ST3GAL3: variants seen among roughly 807,000 people sequenced by gnomAD.
ST3GAL3 encodes the protein CMP-N-acetylneuraminate-beta-1,4-galactoside alpha-2,3-sialyltransferase.
In ST3GAL3, 21 loss-of-function variants were observed where a neutral mutation model predicts 50.1. That is an observed-to-expected ratio of 0.42 (90% CI 0.30 to 0.60). ST3GAL3 has a LOEUF of 0.60. Ranked by LOEUF, ST3GAL3 falls within the 20% of genes least tolerant of loss-of-function variation. The pLI, the probability that ST3GAL3 is intolerant of heterozygous loss-of-function variation, is 0.19. For synonymous variants in ST3GAL3, 183 were observed against 190.0 expected, an observed-to-expected ratio of 0.96 and a Z score of 0.30; for missense variants, 353 against 489.4, an observed-to-expected ratio of 0.72 and a Z score of 2.63.
chr1:43,764,925 G>A (rs1032230303), intron 2 of ST3GAL3, among the ~76,000 whole-genome samples: 6 of 152,238 alleles, frequency 3.9e-5, no homozygotes, highest in African/African-American at 1.4e-4. Context: ...GGGCTCTCCT[G>A]AAAGGGCTGG....
chr1:43,801,647 T>A (rs201618301), intron 3 of ST3GAL3: 7 of 242,716 alleles, frequency 2.9e-5, no homozygotes, highest in African/African-American at 6.8e-5. Flanking sequence ...TTTTTTTTTT[T>A]AATATTACAG....
At chr1:43,853,979 T>C (rs1029514843) in intron 5 of ST3GAL3, among the ~76,000 whole-genome samples, 1 of 152,108 alleles carries the variant, frequency 6.6e-6, no homozygotes, top group African/African-American at 2.4e-5. Flanking sequence ...GTATCTGGTA[T>C]CCCCACATTA....
chr1:43,790,426 C>G (rs1397826069), intron 2 of ST3GAL3, among the ~76,000 whole-genome samples: 3 of 152,186 alleles, frequency 2.0e-5, no homozygotes, highest in Non-Finnish European at 4.4e-5. Context: ...TCTGTGGAAT[C>G]TGATCCCTTT....
chr1:43,788,940 GTT>G (rs75212053), intron 2 of ST3GAL3, among the ~76,000 whole-genome samples: 9 of 143,320 alleles, frequency 6.3e-5, no homozygotes, highest in Admixed American at 2.1e-4. Flanking sequence ...AGAGTGGGAG[GTT>G]TTTTTTTTTT....
At chr1:43,855,066 A>G (rs1177072976) in intron 5 of ST3GAL3, among the ~76,000 whole-genome samples, 1 of 152,120 alleles carries the variant, frequency 6.6e-6, no homozygotes, top group Non-Finnish European at 1.5e-5. Flanking sequence ...CTCATTCAAC[A>G]AAGTGCCAGA....
intron 5 of ST3GAL3, among the ~76,000 whole-genome samples, chr1:43,881,789 G>A (rs944082064): frequency 1.3e-5 from 2 of 152,104 alleles, no homozygotes; most frequent in African/African-American, 4.8e-5. Flanking sequence ...TTTCAGAATG[G>A]GGGGTGGGGG....
rs530260163 is a variant in ST3GAL3, at chr1:43,739,697, G to C, written c.118+3317G>C. Among the ~76,000 whole-genome samples, 9 of 152,270 alleles carry C rather than the reference G, an allele frequency of 5.9e-5. No homozygotes were observed. The South Asian group carries it at 1.9e-3, about 32-fold the overall frequency. On this transcript the variant is annotated intron_variant, in intron 2 of 11. Transcript: ENST00000347631. ...ATACTGAGTTCTAAAAGAGCAATCTGTGTGAAATGCTGTGTTGGAGCATAG... is the reference window on the plus strand; with the variant it reads ...ATACTGAGTTCTAAAAGAGCAATCTCTGTGAAATGCTGTGTTGGAGCATAG...
intron 2 of ST3GAL3, among the ~76,000 whole-genome samples, chr1:43,761,766 C>T (rs537159757): frequency 1.3e-5 from 2 of 150,960 alleles, no homozygotes; most frequent in East Asian, 3.9e-4. Flanking sequence ...CTGGCTAACA[C>T]AGTGAAACCC....
chr1:43,850,486 C>T lies in ST3GAL3; in HGVS notation c.302+12175C>T, dbSNP rs2067081500. On this transcript the variant is annotated intron_variant, in intron 5 of 11. Transcript: ENST00000347631. ...ATCCCTCTGTGGATAAAGTGGGCTA[C>T]CTTTTGGAAGCCTTTTTCCAAAAGT... The T allele has an allele frequency of 3.7e-5, 23 of 619,392 alleles. 1 individual carries two copies. Among genetic ancestry groups the T allele is most frequent in the South Asian group, 3.3e-4 (23 of 69,434 alleles). The allele number at this position is 619,392 out of a possible 1,614,324, so 38.4% of individuals were successfully genotyped here.
chr1:43,902,401 A>T (rs1001387331), intron 9 of ST3GAL3, among the ~76,000 whole-genome samples: 3 of 152,202 alleles, frequency 2.0e-5, no homozygotes, highest in African/African-American at 4.8e-5. Context: ...CTCATAGGAT[A>T]TGGGAAGGGG....
In ST3GAL3 at chr1:43,899,348, A is replaced by T. The variant is rs1052479344; in HGVS notation, c.557+85A>T. The T allele has an allele frequency of 1.9e-6, 3 of 1,610,946 alleles. No homozygotes were observed. The African/African-American group carries it at 4.0e-5, about 22-fold the overall frequency. On this transcript the variant is annotated intron_variant, in intron 8 of 11. Coordinates refer to ENST00000347631, the MANE Select transcript of ST3GAL3 (RefSeq NM_006279.5). This position sits in a 1 kb window ranked among gnomAD's most constrained non-coding sequence, Gnocchi z 5.4. Reference sequence around the variant, plus strand: ...CCCATTGAGAACTGTCTGTCTGGCTAGTTGGGCTGGAGGTCAACGGAAGCC... The same window carrying T: ...CCCATTGAGAACTGTCTGTCTGGCTTGTTGGGCTGGAGGTCAACGGAAGCC...
chr1:43,817,206 C>T (rs2061344208), intron 4 of ST3GAL3, among the ~76,000 whole-genome samples: 1 of 152,188 alleles, frequency 6.6e-6, no homozygotes, highest in South Asian at 2.1e-4. Context: ...TGGATAATAG[C>T]ACTCCCTTCC....
At chr1:43,924,457 C>T (rs191473399) in intron 11 of ST3GAL3, among the ~76,000 whole-genome samples, 7 of 152,274 alleles carry the variant, frequency 4.6e-5, no homozygotes, top group East Asian at 3.9e-4. Flanking sequence ...TAGACGTGGG[C>T]GATGGCCAAA....
intron 2 of ST3GAL3, among the ~76,000 whole-genome samples, chr1:43,747,073 G>A (rs1290641492): frequency 6.6e-6 from 1 of 151,470 alleles, no homozygotes; most frequent in Non-Finnish European, 1.5e-5. Context: ...GCCTAAAATG[G>A]TAAATTTTAT....
intron 2 of ST3GAL3, among the ~76,000 whole-genome samples, chr1:43,787,905 G>C (rs2057547070): frequency 1.3e-5 from 2 of 152,188 alleles, no homozygotes; most frequent in African/African-American, 4.8e-5. Context: ...TAAGTATCAT[G>C]AACTATAAGG....
At chr1:43,806,318 AGCTCTCAGGCATAAAG>A (rs1351593316) in intron 3 of ST3GAL3, among the ~76,000 whole-genome samples, 1 of 152,302 alleles carries the variant, frequency 6.6e-6, no homozygotes, top group South Asian at 2.1e-4. Flanking sequence ...CACCTGCAGT[AGCTCTCAGGCATAAAG>A]GCTCTCAGGC....
chr1:43,784,584 T>TAATA (rs2057039411), intron 2 of ST3GAL3, among the ~76,000 whole-genome samples: 1 of 152,218 alleles, frequency 6.6e-6, no homozygotes, highest in East Asian at 1.9e-4. Flanking sequence ...GTTATTTGAA[T>TAATA]CTCTCTATTA....
chr1:43,810,385 T>G (rs1573359192), intron 3 of ST3GAL3, among the ~76,000 whole-genome samples: 1 of 151,480 alleles, frequency 6.6e-6, no homozygotes, highest in Non-Finnish European at 1.5e-5. Flanking sequence ...TGGCAGGAGG[T>G]AGAGACGGGT....
intron 5 of ST3GAL3, among the ~76,000 whole-genome samples, chr1:43,889,993 G>T (rs953238883): frequency 6.6e-6 from 1 of 152,204 alleles, no homozygotes; most frequent in Non-Finnish European, 1.5e-5. Context: ...GCACATGCCT[G>T]TAGTCCTAGC....
Sources: allele counts gnomAD v4.1 joint callset (sites outside exome capture counted in the v4.1 genomes callset), GRCh38; gene constraint gnomAD v4.1.1; non-coding constraint Gnocchi (gnomAD v3.1); transcripts MANE v1.5; gene names NCBI Gene and HGNC (gene_info 2026-07-23, HGNC 2026-07-21).